The following NCOA1 variants were observed in gnomAD, a reference collection of about 807,000 sequenced individuals.
NCOA1 encodes Hin-2 protein.
In NCOA1, 35 loss-of-function variants were observed where a neutral mutation model predicts 150.9. The ratio of observed to expected loss-of-function variants is 0.23; its 90% CI spans 0.18 to 0.31. NCOA1 has a LOEUF of 0.31. Ranked by LOEUF, NCOA1 falls within the 10% of genes least tolerant of loss-of-function variation. The pLI, the probability that NCOA1 is intolerant of heterozygous loss-of-function variation, is 1.00. For synonymous variants in NCOA1, 590 were observed against 630.0 expected, an observed-to-expected ratio of 0.94 and a Z score of 0.95; for missense variants, 1,491 against 1,749.3, an observed-to-expected ratio of 0.85 and a Z score of 2.63.
At chr2:24,612,062 T>C (rs1188960002) in intron 3 of NCOA1, among the ~76,000 whole-genome samples, 1 of 152,232 alleles carries the variant, frequency 6.6e-6, no homozygotes, top group African/African-American at 2.4e-5. Context: ...TTTTCTTTCA[T>C]TTCCACGTTT....
At chr2:24,530,262 T>C (rs557622445) in intron 1 of NCOA1, among the ~76,000 whole-genome samples, 1 of 152,338 alleles carries the variant, frequency 6.6e-6, no homozygotes, top group East Asian at 1.9e-4. Context: ...GAATCACTGG[T>C]TTAATAGTTA....
At chr2:24,650,155 C>T (rs1670649686) in intron 4 of NCOA1, among the ~76,000 whole-genome samples, 1 of 152,080 alleles carries the variant, frequency 6.6e-6, no homozygotes, top group Non-Finnish European at 1.5e-5. Flanking sequence ...CTTAGGGGAG[C>T]AGGGTCTCTT....
At chr2:24,622,301 G>T (rs1048522726) in intron 3 of NCOA1, among the ~76,000 whole-genome samples, 6 of 152,102 alleles carry the variant, frequency 3.9e-5, no homozygotes, top group Admixed American at 2.0e-4. Flanking sequence ...ATTCTTTGTT[G>T]TGGGGACTGT....
At chr2:24,600,371 AATTTTTTGT>A (rs771531871) in intron 3 of NCOA1, among the ~76,000 whole-genome samples, 51 of 151,866 alleles carry the variant, frequency 3.4e-4, no homozygotes, top group Non-Finnish European at 6.0e-4. Context: ...ACGCCCTGCT[AATTTTTTGT>A]ATTTTTTGTA....
chr2:24,629,319 T>C (rs997595889), intron 3 of NCOA1, among the ~76,000 whole-genome samples: 1 of 152,136 alleles, frequency 6.6e-6, no homozygotes, highest in Admixed American at 6.5e-5. Context: ...TAATGGTGCG[T>C]GTAAGAGTCA....
intron 21 of NCOA1, among the ~76,000 whole-genome samples, chr2:24,758,747 C>T (rs980879457): frequency 6.6e-6 from 1 of 151,776 alleles, no homozygotes; most frequent in Non-Finnish European, 1.5e-5. Context: ...CTTTGGGAGG[C>T]CAAGGCAGAT....
intron 3 of NCOA1, among the ~76,000 whole-genome samples, chr2:24,608,704 G>GTTTTTTTTTTTTTTTTT (rs56710627): frequency 7.7e-5 from 9 of 117,324 alleles, no homozygotes; most frequent in Non-Finnish European, 8.7e-5. Context: ...TTGTTGTTGT[G>GTTTTTTTTTTTTTTTTT]TTTTTTTTTT....
At chr2:24,681,458 GGTCATTTTCAGTATCAC>G (rs140769350) in intron 7 of NCOA1, among the ~76,000 whole-genome samples, 3,844 of 152,228 alleles carry the variant, frequency 0.025, 157 homozygotes, top group African/African-American at 0.086. Flanking sequence ...AAGCTATTCA[GGTCATTTTCAGTATCAC>G]GTCATTTTCA....
At chr2:24,649,116 G>A (rs1270789061) in intron 4 of NCOA1, among the ~76,000 whole-genome samples, 1 of 151,770 alleles carries the variant, frequency 6.6e-6, no homozygotes, top group Non-Finnish European at 1.5e-5. Context: ...TTTAAAAAGA[G>A]ACATAGTCTG....
Position 24,707,255 on chromosome 2 carries a change from G to A in NCOA1, c.1785G>A (p.Met595Ile). 6.2e-7 allele frequency: 1 copy of A among 1,614,186 alleles called. No individual in the cohort carries two copies. The highest frequency in any genetic ancestry group is 8.5e-7 in the Non-Finnish European group (1 of 1,180,028). Residue 595 changes from methionine to isoleucine, a missense_variant, in exon 13 of 23, where the codon ATG (methionine) becomes ATA (isoleucine). This residue lies in a region of NCOA1 where 703 missense variants were observed against 717.7 expected (regional missense o/e 0.98). Transcript: ENST00000348332. ...NKEIASILNE[M>I]IQSDNSSSDG... is the part of the protein sequence containing the mutation. ...AGATTGCCTCAATTTTAAATGAAAT[G>A]ATTCAATCTGACAACAGCTCTAGTG...
At chr2:24,620,040 C>G (rs569228236) in intron 3 of NCOA1, among the ~76,000 whole-genome samples, 5 of 152,264 alleles carry the variant, frequency 3.3e-5, no homozygotes, top group Admixed American at 2.6e-4. Context: ...TTTTCAGACT[C>G]CTCAGTCGTT....
intron 1 of NCOA1, among the ~76,000 whole-genome samples, chr2:24,525,523 G>A (rs920780869): frequency 6.6e-6 from 1 of 150,764 alleles, no homozygotes; most frequent in Non-Finnish European, 1.5e-5. Flanking sequence ...GCTACTTCAG[G>A]TTGTAGTCTT....
At chr2:24,554,023 A>T (rs936026682) in intron 1 of NCOA1, among the ~76,000 whole-genome samples, 2 of 152,212 alleles carry the variant, frequency 1.3e-5, no homozygotes, top group African/African-American at 4.8e-5. Context: ...TATCCCTTTA[A>T]TAGCTATAAA....
chr2:24,565,292 AT>A (rs974546639), intron 2 of NCOA1, among the ~76,000 whole-genome samples: 2 of 152,196 alleles, frequency 1.3e-5, no homozygotes, highest in African/African-American at 4.8e-5. Context: ...AAAACAAAAT[AT>A]TTTTTATTTT....
At chr2:24,656,040 A>T (rs2148486684) in intron 4 of NCOA1, among the ~76,000 whole-genome samples, 1 of 149,554 alleles carries the variant, frequency 6.7e-6, no homozygotes, top group Non-Finnish European at 1.5e-5. Context: ...GTGAGCTGAG[A>T]TCCCGCCACT....
chr2:24,512,966 G>T (rs1663998649), intron 1 of NCOA1, among the ~76,000 whole-genome samples: 2 of 151,992 alleles, frequency 1.3e-5, no homozygotes, highest in African/African-American at 4.8e-5. Flanking sequence ...TGTGTGTGTG[G>T]GTGCATATGG....
intron 3 of NCOA1, among the ~76,000 whole-genome samples, chr2:24,593,832 T>G (rs1350438363): frequency 6.6e-6 from 1 of 152,158 alleles, no homozygotes; most frequent in Non-Finnish European, 1.5e-5. Flanking sequence ...AATATGTATC[T>G]TTAGCTTTAA....
intron 16 of NCOA1, 51 bp from the exon 17 acceptor site, chr2:24,729,450 A>T: frequency 6.7e-7 from 1 of 1,500,582 alleles, no homozygotes; most frequent in Non-Finnish European, 9.2e-7. Context: ...GAAGCATGTT[A>T]CTTATTGGCA....
intron 2 of NCOA1, among the ~76,000 whole-genome samples, chr2:24,583,630 C>T (rs1033474408): frequency 3.3e-5 from 5 of 152,020 alleles, no homozygotes; most frequent in South Asian, 2.1e-4. Context: ...AACCAAGATA[C>T]GGAATCAACC....
Sources: allele counts gnomAD v4.1 joint callset (sites outside exome capture counted in the v4.1 genomes callset), GRCh38; gene constraint gnomAD v4.1.1; regional missense constraint gnomAD v4.1.1; transcripts MANE v1.5; gene names NCBI Gene and HGNC (gene_info 2026-07-23, HGNC 2026-07-21).